Variants in FAM149B1 observed in about 807,000 individuals in gnomAD.
FAM149B1 encodes family with sequence similarity 149 member B1.
Under a neutral mutation model 75.3 loss-of-function variants are expected in FAM149B1, and 56 were observed. The ratio of observed to expected loss-of-function variants is 0.74; its 90% CI spans 0.60 to 0.93. The LOEUF is 0.93. FAM149B1 is among the 40% of genes least tolerant of loss of function. The pLI is 0.00. For synonymous variants in FAM149B1, 259 were observed against 256.1 expected (o/e 1.01, Z -0.11); for missense variants, 639 against 708.4 (o/e 0.90, Z 1.11).
intron 8 of FAM149B1, among the ~76,000 whole-genome samples, chr10:73,229,391 T>C (rs2043631947): frequency 1.3e-5 from 2 of 152,112 alleles, no homozygotes; most frequent in South Asian, 4.1e-4. Context: ...CCTGGCCAAT[T>C]TGGTGAAACC....
At chr10:73,194,169 G>T (rs1385714266) in intron 5 of FAM149B1, among the ~76,000 whole-genome samples, 1 of 152,048 alleles carries the variant, frequency 6.6e-6, no homozygotes, top group Non-Finnish European at 1.5e-5. Context: ...CTAAATTTCA[G>T]CGTGAATTTT....
chr10:73,204,771 CT>C (rs772508767), intron 5 of FAM149B1, among the ~76,000 whole-genome samples: 882 of 92,954 alleles, frequency 9.5e-3, no homozygotes, highest in East Asian at 0.019. Flanking sequence ...TGTGATTATT[CT>C]TTTTTTTTTT....
chr10:73,237,401 C>T (rs920415044), intron 12 of FAM149B1, among the ~76,000 whole-genome samples: 7 of 152,026 alleles, frequency 4.6e-5, no homozygotes, highest in African/African-American at 1.4e-4. Context: ...GATTATATTA[C>T]ACAGCTAGAT....
chr10:73,190,204 A>G (rs1396557907), intron 3 of FAM149B1, among the ~76,000 whole-genome samples: 1 of 152,158 alleles, frequency 6.6e-6, no homozygotes, highest in Non-Finnish European at 1.5e-5. Flanking sequence ...AATTTTAGAG[A>G]ATAAGAAAGA....
chr10:73,208,645 A>C lies in FAM149B1; in HGVS notation c.569A>C (p.His190Pro). Reference protein sequence around the residue: ...TIFGIRGKKLHFSSSYAHKAS... With the variant: ...TIFGIRGKKLPFSSSYAHKAS... ...TTTGGTATAAGGGGAAAGAAGTTAC[A>C]TTTTTCATCTTCTTATGCTCATAAA... The change falls in exon 6 of 14, where the codon CAT (histidine) becomes CCT (proline). Residue 190 changes from histidine (H) to proline (P), a missense_variant. By Grantham distance (77) the His-to-Pro change is moderately conservative. Transcript: ENST00000242505. 1 of 1,534,656 alleles carries C rather than the reference A, an allele frequency of 6.5e-7. No individual in the cohort carries two copies. The highest frequency in any genetic ancestry group is 8.8e-7 in the Non-Finnish European group (1 of 1,137,958).
intron 10 of FAM149B1, chr10:73,234,299 G>C (rs1298600149): frequency 6.5e-6 from 1 of 153,826 alleles, no homozygotes; most frequent in African/African-American, 2.4e-5. Context: ...TTTCAAAGTT[G>C]AAAAGTAAGT....
At chr10:73,184,620 A>G (rs1048612093) in intron 3 of FAM149B1, among the ~76,000 whole-genome samples, 1 of 152,240 alleles carries the variant, frequency 6.6e-6, no homozygotes, top group Non-Finnish European at 1.5e-5. Context: ...TCAACAACAT[A>G]CAGTTGGGAT....
At chr10:73,219,655 G>A (rs1010883037) in intron 7 of FAM149B1, among the ~76,000 whole-genome samples, 3 of 152,118 alleles carry the variant, frequency 2.0e-5, no homozygotes, top group African/African-American at 7.2e-5. Flanking sequence ...TTCAATGGGA[G>A]AAGAATAGTC....
chr10:73,240,458 A>G (rs2043916937), intron 13 of FAM149B1, among the ~76,000 whole-genome samples: 1 of 152,168 alleles, frequency 6.6e-6, no homozygotes, highest in East Asian at 1.9e-4. Context: ...CATGCCTGTA[A>G]TCCCAGCACT....
intron 7 of FAM149B1, among the ~76,000 whole-genome samples, chr10:73,214,531 G>A (rs1404541972): frequency 6.6e-6 from 1 of 152,108 alleles, no homozygotes; most frequent in Non-Finnish European, 1.5e-5. Flanking sequence ...ATTTTATCCA[G>A]TGCCTTTTGT....
chr10:73,211,403 A>C (rs75435804), intron 7 of FAM149B1, among the ~76,000 whole-genome samples: 2 of 152,238 alleles, frequency 1.3e-5, no homozygotes, highest in East Asian at 1.9e-4. Flanking sequence ...ACAAAAAAAA[A>C]CACCACTTTG....
rs150542116 is a variant in FAM149B1, at chr10:73,189,942, T to G, written c.283-2614T>G. Among the ~76,000 whole-genome samples the G allele has an allele frequency of 7.0e-4, 106 of 152,326 alleles. No homozygotes were observed. In the East Asian group the frequency reaches 0.017, roughly 24 times the overall value. On this transcript the variant is annotated intron_variant, in intron 3 of 13. Coordinates refer to ENST00000242505, the MANE Select transcript of FAM149B1 (RefSeq NM_173348.2). ...ACATCTATTTAAATTATTAGAGGTT[T>G]TAAAACAAAGCAGGTAAAGATATTA...
rs1404173266 is a variant in FAM149B1 at position 73,241,449 on chromosome 10, CAG to C, written c.*431_*432del. The C allele has an allele frequency of 5.5e-6, 1 of 183,416 alleles. No individual in the cohort carries two copies. Among genetic ancestry groups the C allele is most frequent in the Non-Finnish European group, 1.2e-5 (1 of 86,742 alleles). The allele number at this position is 183,416 out of a possible 1,614,324, so 11.4% of individuals were successfully genotyped here. A position where few individuals can be genotyped will look rare whatever the true frequency, so the allele number is the denominator to read the frequency against. On this transcript the variant is annotated 3_prime_UTR_variant, in exon 14 of 14. Transcript: ENST00000242505. ...GTGTTCATTTCTGGAGAGTTGTACT[CAG>C]TTTTAAGTCATTTTGCTGTTGAAAA...
At chr10:73,216,828 C>T (rs2043308494) in intron 7 of FAM149B1, among the ~76,000 whole-genome samples, 1 of 152,210 alleles carries the variant, frequency 6.6e-6, no homozygotes, top group Admixed American at 6.5e-5. Flanking sequence ...GCCCCTCAAA[C>T]TACATATTTA....
At chr10:73,168,531 C>A in intron 1 of FAM149B1, 145 bp downstream of exon 1, 1 of 971,544 alleles carries the variant, frequency 1.0e-6, no homozygotes, top group Non-Finnish European at 1.5e-6. Flanking sequence ...CTGCTGGACC[C>A]TGCCCCTTCT....
intron 3 of FAM149B1, among the ~76,000 whole-genome samples, chr10:73,188,342 A>G (rs915197544): frequency 8.5e-5 from 13 of 152,336 alleles, no homozygotes; most frequent in African/African-American, 2.9e-4. Flanking sequence ...ACTTAAATAT[A>G]AGAGCAAAAA....
chr10:73,182,616 A>AG (rs2042426010), intron 3 of FAM149B1, among the ~76,000 whole-genome samples: 1 of 152,210 alleles, frequency 6.6e-6, no homozygotes, highest in Non-Finnish European at 1.5e-5. Flanking sequence ...TCATATTGCG[A>AG]GGAAGTTCAG....
At position 73,175,134 on chromosome 10, in the gene FAM149B1, G is replaced by T. The variant is rs181143563; in HGVS notation, c.152+343G>T. On this transcript the variant is annotated intron_variant, in intron 2 of 13. Transcript: ENST00000242505. ...AGCACTATAGGAGGCCAAAAGGTGGGAGGATCATTTAAGCCCAGGAGTTTA... is the reference window on the plus strand; with the variant it reads ...AGCACTATAGGAGGCCAAAAGGTGGTAGGATCATTTAAGCCCAGGAGTTTA... Among the ~76,000 whole-genome samples, 47 of 152,272 alleles carry T rather than the reference G, an allele frequency of 3.1e-4. No individual in the cohort carries two copies. The East Asian group carries it at 8.7e-3, about 28-fold the overall frequency.
rs987797128 is a variant in FAM149B1 at position 73,191,877 on chromosome 10, AAT to A, written c.283-676_283-675del. Among the ~76,000 whole-genome samples, 50 of 152,190 alleles carry A rather than the reference AAT, an allele frequency of 3.3e-4. 1 individual carries two copies. Among genetic ancestry groups the A allele is most frequent in the African/African-American group, 1.1e-3 (46 of 41,530 alleles). ...GTTTACAATTAATACTGTATATAAG[AAT>A]ATGTTACTTTTAAAAATATAGACTT... On this transcript the variant is annotated intron_variant, in intron 3 of 13. Transcript: ENST00000242505.
Sources: allele counts gnomAD v4.1 joint callset (sites outside exome capture counted in the v4.1 genomes callset), GRCh38; gene constraint gnomAD v4.1.1; transcripts MANE v1.5; gene names NCBI Gene and HGNC (gene_info 2026-07-23, HGNC 2026-07-21).